The following PTPN14 variants were observed in gnomAD, a reference collection of about 807,000 sequenced individuals.
The protein encoded by PTPN14 is tyrosine-protein phosphatase non-receptor type 14.
In PTPN14, 53 loss-of-function variants were observed where a neutral mutation model predicts 126.8. The ratio of observed to expected loss-of-function variants is 0.42; its 90% CI spans 0.34 to 0.53. The LOEUF (loss-of-function observed/expected upper bound fraction) is 0.53. Among genes scored for constraint, PTPN14 ranks in the 20% least tolerant of loss-of-function variants. PTPN14 has a pLI of 0.08. For missense variants in PTPN14, 1,257 were observed against 1,552.9 expected, an observed-to-expected ratio of 0.81 and a Z score of 3.20; for synonymous variants, 630 against 599.3, an observed-to-expected ratio of 1.05 and a Z score of -0.75.
chr1:214,438,004 C>T (rs1206621544), intron 3 of PTPN14, among the ~76,000 whole-genome samples: 1 of 152,184 alleles, frequency 6.6e-6, no homozygotes, highest in Non-Finnish European at 1.5e-5. Context: ...TACTGATGCA[C>T]GTAGTGTGAA....
intron 1 of PTPN14, among the ~76,000 whole-genome samples, chr1:214,540,560 C>A (rs1318940071): frequency 6.6e-6 from 1 of 152,100 alleles, no homozygotes; most frequent in East Asian, 1.9e-4. Context: ...ACTTCTCCAC[C>A]CCAGAGCAAG....
Position 214,369,470 on chromosome 1 carries a change from G to T in PTPN14, c.3258C>A (p.Val1086=). 6.2e-7 allele frequency: 1 copy of T among 1,613,690 alleles called. No individual in the cohort carries two copies. Among genetic ancestry groups the T allele is most frequent in the Non-Finnish European group, 8.5e-7 (1 of 1,179,614 alleles). ...AAAAACACTTACATAAAAATCCTTG[G>T]ACATCTTCTGGACAGCCGTGATCTG... ...DWPDHGCPED[V]QGFLSYLEEI... The change falls in exon 17 of 19, where the codon GTC becomes GTA. Residue 1086 remains valine, a synonymous_variant. Transcript: ENST00000366956.
At chr1:214,509,307 C>G (rs1455642805) in intron 1 of PTPN14, among the ~76,000 whole-genome samples, 1 of 152,238 alleles carries the variant, frequency 6.6e-6, no homozygotes, top group Non-Finnish European at 1.5e-5. Flanking sequence ...TCAGCACTTG[C>G]TGCTTAAACT....
intron 3 of PTPN14, among the ~76,000 whole-genome samples, chr1:214,448,374 G>T (rs1660193501): frequency 6.6e-6 from 1 of 151,344 alleles, no homozygotes; most frequent in Non-Finnish European, 1.5e-5. Flanking sequence ...GGGACTACAG[G>T]TGCCCCCAAC....
intron 1 of PTPN14, among the ~76,000 whole-genome samples, chr1:214,490,833 GGGAAA>G (rs375730583): frequency 0.16 from 10,895 of 66,624 alleles, 1,747 homozygotes; most frequent in East Asian, 0.29. Context: ...CGAGACGGAA[GGGAAA>G]GGAAAGGAAA....
intron 12 of PTPN14, among the ~76,000 whole-genome samples, chr1:214,385,035 TG>T (rs1263277079): frequency 6.6e-6 from 1 of 152,168 alleles, no homozygotes; most frequent in Non-Finnish European, 1.5e-5. Flanking sequence ...TGCACACATT[TG>T]GAGTAAGTGT....
intron 1 of PTPN14, among the ~76,000 whole-genome samples, chr1:214,524,557 C>T (rs1229998096): frequency 6.6e-6 from 1 of 152,016 alleles, no homozygotes; most frequent in Non-Finnish European, 1.5e-5. Context: ...AAGGCTGAGG[C>T]AAGAGGATCC....
At chr1:214,411,641 AAG>A (rs1659311423) in intron 5 of PTPN14, 41 bp downstream of exon 5, 1 of 1,349,382 alleles carries the variant, frequency 7.4e-7, no homozygotes, top group African/African-American at 1.5e-5. Context: ...TAAATGTCCA[AAG>A]AAGGTAGAAA....
chr1:214,348,865 T>C lies in PTPN14; in HGVS notation c.*9057A>G, dbSNP rs1165318295. On this transcript the variant is annotated 3_prime_UTR_variant, in exon 19 of 19. Transcript: ENST00000366956. ...AAGGTCCAATATCTAAATAAGACTT[T>C]ATAAAAACAGATAGGAAACAGTGCA... is the stretch of plus-strand genomic sequence containing the variant. The C allele has an allele frequency of 6.6e-6, 1 of 152,184 alleles. No homozygotes were observed. The highest frequency in any genetic ancestry group is 1.5e-5 in the Non-Finnish European group (1 of 68,022). The allele number at this position is 152,184 out of a possible 1,614,324, so 9.4% of individuals were successfully genotyped here. A position where few individuals can be genotyped will look rare whatever the true frequency, so the allele number is the denominator to read the frequency against.
In PTPN14 at chr1:214,351,061, G is replaced by T. The variant is rs12750419; in HGVS notation, c.*6861C>A. ...AGAGTTGATCCATAAAGCAGATGGG[G>T]AAATATGAAAAGGCAGCAGAGGCTG... On this transcript the variant is annotated 3_prime_UTR_variant, in exon 19 of 19. Transcript: ENST00000366956. 0.091 allele frequency: 13,760 copies of T among 151,870 alleles called. 809 individuals are homozygous for T. Among genetic ancestry groups the T allele is most frequent in the Middle Eastern group, 0.18 (52 of 294 alleles). 9.4% of individuals were successfully genotyped at this position (151,870 alleles called of 1,614,324 possible).
intron 11 of PTPN14, among the ~76,000 whole-genome samples, chr1:214,389,153 A>G (rs1658693293): frequency 6.6e-6 from 1 of 152,226 alleles, no homozygotes; most frequent in Non-Finnish European, 1.5e-5. Context: ...TTTAAAGAAA[A>G]ACACAGTGGG....
At position 214,369,594 on chromosome 1, in the gene PTPN14, C is replaced by T. The variant is rs181559516; in HGVS notation, c.3134G>A (p.Arg1045Gln). ...YGKFKVTTKF[R>Q]TDSVCYATTG... ...GGTTGCATAGCAAACAGAATCCGTT[C>T]GAAACTTCGTGGTGACCTTGAACTT... Residue 1045 changes from arginine to glutamine, a missense_variant, in exon 17 of 19, where the codon CGA (arginine) becomes CAA (glutamine). By Grantham distance (43) the Arg-to-Gln change is conservative (BLOSUM62 1). This residue lies in a region of PTPN14 where 171 missense variants were observed against 229.8 expected (regional missense o/e 0.74). Coordinates refer to ENST00000366956, the MANE Select transcript of PTPN14 (RefSeq NM_005401.5). 35 of 1,614,140 alleles carry T rather than the reference C, an allele frequency of 2.2e-5. No homozygotes were observed. Among genetic ancestry groups the T allele is most frequent in the African/African-American group, 2.1e-4 (16 of 75,026 alleles).
At chr1:214,539,696 A>G (rs1231489226) in intron 1 of PTPN14, among the ~76,000 whole-genome samples, 1 of 152,186 alleles carries the variant, frequency 6.6e-6, no homozygotes, top group Middle Eastern at 3.2e-3. Context: ...GAAAGGCAAT[A>G]AAGAAGAGGG....
chr1:214,516,774 T>G (rs1052309283), intron 1 of PTPN14, among the ~76,000 whole-genome samples: 5 of 151,944 alleles, frequency 3.3e-5, no homozygotes, highest in African/African-American at 1.2e-4. Context: ...GGCAGGCAGG[T>G]GCTAAGTGTT....
At chr1:214,492,581 ATTCCTT>A (rs1661274186) in intron 1 of PTPN14, among the ~76,000 whole-genome samples, 1 of 152,240 alleles carries the variant, frequency 6.6e-6, no homozygotes, top group Non-Finnish European at 1.5e-5. Flanking sequence ...CAAATGAGGC[ATTCCTT>A]GCTGGTGCCG....
In PTPN14 at chr1:214,383,953, G is replaced by A. The variant is rs150718890; in HGVS notation, c.1902C>T (p.His634=). 5.0e-5 allele frequency: 80 copies of A among 1,612,658 alleles called. No homozygotes were observed. Among genetic ancestry groups the A allele is most frequent in the Admixed American group, 1.7e-4 (10 of 60,034 alleles). The change falls in exon 13 of 19, where the codon CAC becomes CAT. Residue 634 remains histidine (H), a synonymous_variant. Transcript: ENST00000366956. The surrounding 1 kb of genome is among the most constrained non-coding windows in gnomAD (Gnocchi z 4.4). ...GGCTGTGGCGCTTGTTCACAGTGCC[G>A]TGGTGCTTGGTGGCCGTGAGGGGCT... ...VSEPLTATKH[H]GTVNKRHSLE... is the part of the protein sequence containing the mutation.
intron 1 of PTPN14, among the ~76,000 whole-genome samples, chr1:214,506,099 A>G (rs576714493): frequency 6.6e-6 from 1 of 152,300 alleles, no homozygotes; most frequent in South Asian, 2.1e-4. Flanking sequence ...AATTCCTTCG[A>G]TTACTAAGGA....
chr1:214,435,749 A>G (rs181745570), intron 3 of PTPN14, among the ~76,000 whole-genome samples: 1 of 152,324 alleles, frequency 6.6e-6, no homozygotes, highest in Non-Finnish European at 1.5e-5. Flanking sequence ...AAGTCAAAAA[A>G]TAACTGAGAA....
chr1:214,483,661 C>T (rs1021993105), intron 1 of PTPN14, among the ~76,000 whole-genome samples: 2 of 152,134 alleles, frequency 1.3e-5, no homozygotes, highest in Non-Finnish European at 2.9e-5. Flanking sequence ...CTACACTGCA[C>T]CTTTATATAT....
Sources: allele counts gnomAD v4.1 joint callset (sites outside exome capture counted in the v4.1 genomes callset), GRCh38; gene constraint gnomAD v4.1.1; regional missense constraint gnomAD v4.1.1; non-coding constraint Gnocchi (gnomAD v3.1); transcripts MANE v1.5; gene names NCBI Gene and HGNC (gene_info 2026-07-23, HGNC 2026-07-21).